The following RC3H2 variants were observed in gnomAD, a reference collection of about 807,000 sequenced individuals.
RC3H2 encodes the protein roquin-2.
A neutral mutation model predicts 133.3 loss-of-function variants in RC3H2; 31 were observed. The observed-to-expected ratio is 0.23, with a 90% CI of 0.17 to 0.31. RC3H2 has a LOEUF of 0.31. RC3H2 is among the 10% of genes least tolerant of loss of function. The pLI is 1.00. For missense variants in RC3H2, 1,175 were observed against 1,437.2 expected (o/e 0.82, Z 2.95); for synonymous variants, 517 against 502.2 (o/e 1.03, Z -0.40).
intron 4 of RC3H2, among the ~76,000 whole-genome samples, chr9:122,886,138 C>T (rs572598460): frequency 6.6e-6 from 1 of 152,194 alleles, no homozygotes; most frequent in Non-Finnish European, 1.5e-5. Flanking sequence ...TATCCACCCG[C>T]CTCGGCCTCC....
rs112657504 is a variant in RC3H2, at chr9:122,851,312, G to A, written c.3231+11C>T. 2.5e-5 allele frequency: 40 copies of A among 1,612,550 alleles called. No homozygotes were observed. Among genetic ancestry groups the A allele is most frequent in the Non-Finnish European group, 3.4e-5 (40 of 1,178,722 alleles). ...AACAAAGCCTCTCAATTATCTAATT[G>A]TGGCACTTACTTCAATTGGTTCACT... On this transcript the variant is annotated intron_variant, in intron 19 of 20. Coordinates refer to ENST00000357244, the MANE Select transcript of RC3H2 (RefSeq NM_001100588.3).
rs188975117 is a variant in RC3H2 at position 122,857,137 on chromosome 9, C to T, written c.2454+786G>A. Among the ~76,000 whole-genome samples, 8 of 152,226 alleles carry T rather than the reference C, an allele frequency of 5.3e-5. No homozygotes were observed. The East Asian group carries it at 1.5e-3, about 29-fold the overall frequency. On this transcript the variant is annotated intron_variant, in intron 13 of 20. Transcript: ENST00000357244. ...CTGACTGAGTTGATAACCGTGGAAC[C>T]TGGGTGTTGGGTACATGGAGTTTAT... is the stretch of plus-strand genomic sequence containing the variant.
chr9:122,887,795 A>C (rs1242119332), intron 4 of RC3H2, among the ~76,000 whole-genome samples: 2 of 147,646 alleles, frequency 1.4e-5, no homozygotes, highest in African/African-American at 5.0e-5. Context: ...CCCAGGCTAA[A>C]GTGAAGTGGC....
intron 18 of RC3H2, among the ~76,000 whole-genome samples, chr9:122,853,475 G>C (rs1163955779): frequency 6.6e-6 from 1 of 152,110 alleles, no homozygotes; most frequent in African/African-American, 2.4e-5. Flanking sequence ...TGATCAGCCA[G>C]GCACGGGGGC....
Position 122,853,937 on chromosome 9 carries a change from G to C in RC3H2, c.3117+15C>G. 1 of 1,614,170 alleles carries C rather than the reference G, an allele frequency of 6.2e-7. No homozygotes were observed. The highest frequency in any genetic ancestry group is 8.5e-7 in the Non-Finnish European group (1 of 1,180,018). On this transcript the variant is annotated intron_variant, in intron 18 of 20. Coordinates refer to ENST00000357244, the MANE Select transcript of RC3H2 (RefSeq NM_001100588.3). ...AATACATTAAGCATGAAGCCGAAAG[G>C]TTCAGTTTCTTTACCTCTCCATTTC... is the stretch of plus-strand genomic sequence containing the variant.
intron 5 of RC3H2, among the ~76,000 whole-genome samples, chr9:122,881,939 G>A (rs1831658028): frequency 6.6e-6 from 1 of 152,138 alleles, no homozygotes; most frequent in South Asian, 2.1e-4. Flanking sequence ...CTAATAGGTA[G>A]GCATATATTA....
At chr9:122,893,274 A>G (rs1034578332) in intron 2 of RC3H2, among the ~76,000 whole-genome samples, 37 of 152,154 alleles carry the variant, frequency 2.4e-4, no homozygotes, top group African/African-American at 7.2e-4. Context: ...CAGCAGATTA[A>G]CTTAAGTTAG....
chr9:122,888,304 A>G (rs1832017252), intron 4 of RC3H2, among the ~76,000 whole-genome samples: 3 of 152,174 alleles, frequency 2.0e-5, no homozygotes, highest in African/African-American at 7.2e-5. Context: ...TTTTAGCTTT[A>G]TTTTTAGGTA....
At chr9:122,876,509 T>A (rs1338134364) in intron 9 of RC3H2, among the ~76,000 whole-genome samples, 1 of 151,838 alleles carries the variant, frequency 6.6e-6, no homozygotes, top group Non-Finnish European at 1.5e-5. Flanking sequence ...GCGCCTGTGG[T>A]TCCAGCTACT....
intron 9 of RC3H2, 52 bp downstream of exon 9, chr9:122,877,419 C>T: frequency 1.4e-6 from 2 of 1,404,362 alleles, no homozygotes; most frequent in Admixed American, 3.4e-5. Flanking sequence ...ATATAACATT[C>T]CCATAAAAAT....
At chr9:122,853,378 T>TTA (rs761241636) in intron 18 of RC3H2, among the ~76,000 whole-genome samples, 5 of 83,738 alleles carry the variant, frequency 6.0e-5, no homozygotes, top group Middle Eastern at 0.015. Flanking sequence ...GAATGATCAA[T>TTA]AAAAAAAAAA....
intron 9 of RC3H2, among the ~76,000 whole-genome samples, chr9:122,871,553 G>A (rs1831097227): frequency 6.6e-6 from 1 of 151,068 alleles, no homozygotes; most frequent in African/African-American, 2.5e-5. Context: ...CCGATCTCCT[G>A]ACCTTGTGAT....
chr9:122,897,588 C>T lies in RC3H2; in HGVS notation c.-67-12G>A. 1.3e-6 allele frequency: 2 copies of T among 1,506,780 alleles called. No individual in the cohort carries two copies. Among genetic ancestry groups the T allele is most frequent in the South Asian group, 1.3e-5 (1 of 77,362 alleles). 93.3% of individuals were successfully genotyped at this position (1,506,780 alleles called of 1,614,324 possible). A position where few individuals can be genotyped will look rare whatever the true frequency, so the allele number is the denominator to read the frequency against. ...TAGTGTTTTGTAAGCTAGAAATGGA[C>T]AAAAGTATGAATTAACCACATATTC... On this transcript the variant is annotated splice_polypyrimidine_tract_variant and intron_variant, in intron 1 of 20. Coordinates refer to ENST00000357244, the MANE Select transcript of RC3H2 (RefSeq NM_001100588.3).
chr9:122,876,048 C>T (rs143395142), intron 9 of RC3H2, among the ~76,000 whole-genome samples: 9 of 151,566 alleles, frequency 5.9e-5, no homozygotes, highest in Admixed American at 1.3e-4. Flanking sequence ...AACAAGGGAT[C>T]GAGAAAAGGA....
intron 4 of RC3H2, among the ~76,000 whole-genome samples, chr9:122,888,556 AC>A (rs1451072029): frequency 6.6e-6 from 1 of 152,118 alleles, no homozygotes; most frequent in Non-Finnish European, 1.5e-5. Context: ...TCCTTCTCTT[AC>A]TTAGAAAGTA....
rs562148549 is a variant in RC3H2 at position 122,845,581 on chromosome 9, A to G, written c.*4046T>C. 2.6e-4 allele frequency: 39 copies of G among 152,324 alleles called. No homozygotes were observed. Among genetic ancestry groups the G allele is most frequent in the African/African-American group, 9.4e-4 (39 of 41,574 alleles). The allele number at this position is 152,324 out of a possible 1,614,324, so 9.4% of individuals were successfully genotyped here. A position where few individuals can be genotyped will look rare whatever the true frequency, so the allele number is the denominator to read the frequency against. On this transcript the variant is annotated 3_prime_UTR_variant, in exon 21 of 21. Transcript: ENST00000357244. ...ACTGCCAATTTTAGACTAGAAGGGA[A>G]TAACTGCTCTTGGAGTAAAAATAAG...
At chr9:122,879,924 G>GT in intron 7 of RC3H2, 51 bp from the exon 8 acceptor site, 1 of 1,610,264 alleles carries the variant, frequency 6.2e-7, no homozygotes, top group Non-Finnish European at 8.5e-7. Context: ...AATGTTAGCA[G>GT]TAATTCTCTT....
Position 122,899,090 on chromosome 9 carries a change from G to GGTTTTTTTTTTTTTTTTTT in RC3H2, c.-67-1515_-67-1514insAAAAAAAAAAAAAAAAAAC, listed in dbSNP as rs1564322863. Among the ~76,000 whole-genome samples, 4 of 88,410 alleles carry GGTTTTTTTTTTTTTTTTTT rather than the reference G, an allele frequency of 4.5e-5. 2 individuals carry two copies. Among genetic ancestry groups the GGTTTTTTTTTTTTTTTTTT allele is most frequent in the African/African-American group, 9.6e-5 (2 of 20,762 alleles). The allele number at this position is 88,410 out of a possible 152,430, so 58.0% of individuals were successfully genotyped here. A position where few individuals can be genotyped will look rare whatever the true frequency, so the allele number is the denominator to read the frequency against. ...AAAAAATTCTATTAGCCTTTATTGT[G>GGTTTTTTTTTTTTTTTTTT]TTTTTTTTTTTTTTTTTTTTTTTTT... is the stretch of plus-strand genomic sequence containing the variant. On this transcript the variant is annotated intron_variant, in intron 1 of 20. Coordinates refer to ENST00000357244, the MANE Select transcript of RC3H2 (RefSeq NM_001100588.3).
chr9:122,898,401 A>T (rs953978610), intron 1 of RC3H2, among the ~76,000 whole-genome samples: 4 of 152,184 alleles, frequency 2.6e-5, no homozygotes, highest in Admixed American at 2.6e-4. Flanking sequence ...GCATGATTAA[A>T]AACTGAAAAG....
Sources: gnomAD v4.1 joint callset for allele counts (sites outside exome capture counted in the v4.1 genomes callset) on GRCh38, gnomAD v4.1.1 for gene constraint, MANE v1.5 for transcripts, NCBI Gene and HGNC (gene_info 2026-07-23, HGNC 2026-07-21) for gene names.